Variants in LCOR observed in about 807,000 individuals in gnomAD.
The protein encoded by LCOR is ligand dependent nuclear receptor corepressor.
Under a neutral mutation model 64.4 loss-of-function variants are expected in LCOR, and 14 were observed. The observed-to-expected ratio is 0.22, with a 90% CI of 0.14 to 0.34. LCOR has a LOEUF of 0.34. LCOR is among the 10% of genes least tolerant of loss of function. The pLI is 1.00. For missense variants in LCOR, 1,686 were observed against 1,765.3 expected (o/e 0.96, Z 0.80); for synonymous variants, 643 against 642.5 (o/e 1.00, Z -0.01).
intron 2 of LCOR, among the ~76,000 whole-genome samples, chr10:96,904,232 T>C (rs932052495): frequency 2.0e-5 from 3 of 152,134 alleles, no homozygotes; most frequent in Admixed American, 6.5e-5. Flanking sequence ...TGAAGAGTTA[T>C]CTTGAAGGAG....
intron 2 of LCOR, among the ~76,000 whole-genome samples, chr10:96,871,235 C>G (rs1427517549): frequency 6.9e-6 from 1 of 145,330 alleles, no homozygotes; most frequent in Non-Finnish European, 1.5e-5. Flanking sequence ...TTTTTTTCCT[C>G]TTGTAGAGAC....
chr10:96,895,241 G>C (rs1846517079), intron 2 of LCOR, among the ~76,000 whole-genome samples: 1 of 152,082 alleles, frequency 6.6e-6, no homozygotes, highest in Non-Finnish European at 1.5e-5. Context: ...ATCTCTGTCT[G>C]CCAAACATTT....
intron 2 of LCOR, among the ~76,000 whole-genome samples, chr10:96,871,622 G>A (rs182535715): frequency 3.3e-5 from 5 of 149,744 alleles, no homozygotes; most frequent in Admixed American, 6.7e-5. Context: ...CGGAGGTTTC[G>A]CCATGTTGCT....
At chr10:96,887,423 C>A (rs1008768224) in intron 2 of LCOR, among the ~76,000 whole-genome samples, 10 of 151,784 alleles carry the variant, frequency 6.6e-5, no homozygotes, top group Non-Finnish European at 1.2e-4. Flanking sequence ...ATTAGCCGGG[C>A]GTCGTGGCGG....
intron 2 of LCOR, among the ~76,000 whole-genome samples, chr10:96,866,233 A>G (rs1473797960): frequency 6.6e-6 from 1 of 152,198 alleles, no homozygotes; most frequent in Non-Finnish European, 1.5e-5. Flanking sequence ...TACATGATCA[A>G]ATTTTAGAAT....
At chr10:96,916,576 A>AT (rs1846949288) in intron 4 of LCOR, among the ~76,000 whole-genome samples, 1 of 143,726 alleles carries the variant, frequency 7.0e-6, no homozygotes, top group Non-Finnish European at 1.5e-5. Context: ...CACATATGAG[A>AT]TATTTAAAGG....
At chr10:96,875,329 G>C (rs1846145013) in intron 2 of LCOR, among the ~76,000 whole-genome samples, 1 of 151,652 alleles carries the variant, frequency 6.6e-6, no homozygotes, top group African/African-American at 2.4e-5. Flanking sequence ...GCTTGCAGTG[G>C]GCCACTGTAC....
chr10:96,887,930 C>G (rs1418642986), intron 2 of LCOR, among the ~76,000 whole-genome samples: 1 of 151,798 alleles, frequency 6.6e-6, no homozygotes, highest in East Asian at 2.0e-4. Context: ...ATCCACCTGC[C>G]TCAACCTCCC....
intron 2 of LCOR, among the ~76,000 whole-genome samples, chr10:96,847,347 C>CA (rs542943351): frequency 0.06 from 4,467 of 74,008 alleles, 101 homozygotes; most frequent in Middle Eastern, 0.15. Flanking sequence ...CTTAATTTTT[C>CA]AAAAAAAAAA....
intron 4 of LCOR, among the ~76,000 whole-genome samples, chr10:96,908,412 AAG>A (rs1382110380): frequency 1.3e-5 from 2 of 152,250 alleles, no homozygotes; most frequent in Non-Finnish European, 2.9e-5. Context: ...TTAGTACAAA[AAG>A]AACAGTAATG....
chr10:96,949,976 GA>G (rs1847650102), intron 6 of LCOR, among the ~76,000 whole-genome samples: 1 of 152,140 alleles, frequency 6.6e-6, no homozygotes, highest in Non-Finnish European at 1.5e-5. Context: ...TTGAGTCTCT[GA>G]AGTTTATTTT....
At chr10:96,913,875 G>T (rs1204839880) in intron 4 of LCOR, among the ~76,000 whole-genome samples, 1 of 151,836 alleles carries the variant, frequency 6.6e-6, no homozygotes, top group Non-Finnish European at 1.5e-5. Flanking sequence ...CCGAGATCAT[G>T]CCTGGGCGAC....
chr10:96,961,391 G>A (rs1441223036), intron 7 of LCOR: 2 of 151,984 alleles, frequency 1.3e-5, no homozygotes, highest in Admixed American at 1.3e-4. Context: ...TTATTTGAAT[G>A]TGGAAATGAA....
At chr10:96,887,197 T>C (rs12242141) in intron 2 of LCOR, among the ~76,000 whole-genome samples, 3,804 of 152,284 alleles carry the variant, frequency 0.025, 147 homozygotes, top group African/African-American at 0.085. Flanking sequence ...TTATAGTAGA[T>C]ATTATAGTCT....
At chr10:96,952,287 A>G (rs1847694876) in intron 7 of LCOR, 91 bp downstream of exon 7, 10 of 844,056 alleles carry the variant, frequency 1.2e-5, no homozygotes, top group Non-Finnish European at 1.9e-5. Flanking sequence ...TTAAAAAATA[A>G]CCCTTCTAAG....
intron 4 of LCOR, among the ~76,000 whole-genome samples, chr10:96,909,330 A>G (rs1019636719): frequency 6.6e-6 from 1 of 152,136 alleles, no homozygotes; most frequent in African/African-American, 2.4e-5. Context: ...TGTCTTCTAT[A>G]CAGTTTTCTT....
intron 4 of LCOR, among the ~76,000 whole-genome samples, chr10:96,909,571 G>A (rs1589648543): frequency 1.3e-5 from 2 of 152,176 alleles, no homozygotes; most frequent in East Asian, 1.9e-4. Context: ...CATGCTGTAT[G>A]CTTCCTTGTA....
Position 96,985,458 on chromosome 10 carries a change from A to G in LCOR, c.*324A>G, listed in dbSNP as rs1335154306. ...TTTACAAAAGCTAAAAAGCTGATCT[A>G]TGTGATTAAAGGCTTGTATTTTATA... On this transcript the variant is annotated 3_prime_UTR_variant, in exon 8 of 8. Transcript: ENST00000421806. 1.4e-5 allele frequency: 3 copies of G among 208,168 alleles called. No individual in the cohort carries two copies. The highest frequency in any genetic ancestry group is 1.5e-4 in the South Asian group (1 of 6,628). The allele number at this position is 208,168 out of a possible 1,614,324, so 12.9% of individuals were successfully genotyped here.
At chr10:96,840,287 A>G (rs190765571) in intron 2 of LCOR, among the ~76,000 whole-genome samples, 15 of 152,266 alleles carry the variant, frequency 9.9e-5, no homozygotes, top group Non-Finnish European at 1.8e-4. Flanking sequence ...ACTTTTTGAT[A>G]AAGAGAGTTG....
Sources: gnomAD v4.1 joint callset for allele counts (sites outside exome capture counted in the v4.1 genomes callset) on GRCh38, gnomAD v4.1.1 for gene constraint, MANE v1.5 for transcripts, NCBI Gene and HGNC (gene_info 2026-07-23, HGNC 2026-07-21) for gene names.